SDK1: variants seen among roughly 807,000 people sequenced by gnomAD.
SDK1 encodes the protein sidekick cell adhesion molecule 1.
A neutral mutation model predicts 245.5 loss-of-function variants in SDK1; 157 were observed. The observed-to-expected ratio is 0.64, with a 90% CI of 0.56 to 0.73. The LOEUF is 0.73. Among genes scored for constraint, SDK1 ranks in the 30% least tolerant of loss-of-function variants. The pLI is 0.00. For synonymous variants in SDK1, 1,647 were observed against 1,278.5 expected (o/e 1.29, Z -6.15); for missense variants, 3,583 against 3,002.3 (o/e 1.19, Z -4.52).
At chr7:3,521,401 C>G (rs1782934242) in intron 1 of SDK1, among the ~76,000 whole-genome samples, 1 of 148,128 alleles carries the variant, frequency 6.8e-6, no homozygotes, top group Admixed American at 6.9e-5. Flanking sequence ...GGGGGCCACT[C>G]TGCCTACCAC....
At position 3,516,464 on chromosome 7, in the gene SDK1, T is replaced by A. The variant is rs558019409; in HGVS notation, c.299-102616T>A. 1.2e-3 allele frequency among the ~76,000 whole-genome samples: 184 copies of A among 152,266 alleles called. 3 individuals carry two copies. The highest frequency in any genetic ancestry group is 4.3e-3 in the African/African-American group (178 of 41,576). ...AATTATTGAAAGTATAGGTAATTTT[T>A]AGGTGTTCTACTTAAAGAGCTATTT... On this transcript the variant is annotated intron_variant, in intron 1 of 44. Transcript: ENST00000404826.
chr7:3,790,453 G>C (rs1222488633), intron 4 of SDK1, among the ~76,000 whole-genome samples: 2 of 152,136 alleles, frequency 1.3e-5, no homozygotes, highest in African/African-American at 4.8e-5. Context: ...GGTGGGTTTG[G>C]AGCTGAGAAA....
rs763175020 is a variant in SDK1 at position 3,969,245 on chromosome 7, A to G, written c.1547-12A>G. The G allele has an allele frequency of 6.3e-7, 1 of 1,580,486 alleles. No individual in the cohort carries two copies. The highest frequency in any genetic ancestry group is 1.2e-5 in the South Asian group (1 of 84,902). ...CGACTGTAACATGCCTCTTTTCTCC[A>G]CTGTTCTTTAGAAAACCACATTCTG... On this transcript the variant is annotated splice_polypyrimidine_tract_variant and intron_variant, in intron 10 of 44. Coordinates refer to ENST00000404826, the MANE Select transcript of SDK1 (RefSeq NM_152744.4).
At chr7:4,224,363 C>G (rs1046309145) in intron 40 of SDK1, among the ~76,000 whole-genome samples, 1 of 152,240 alleles carries the variant, frequency 6.6e-6, no homozygotes, top group African/African-American at 2.4e-5. Context: ...AGCCGGCACG[C>G]CACATGGCTG....
At chr7:3,947,530 T>C (rs923574283) in intron 5 of SDK1, among the ~76,000 whole-genome samples, 1 of 140,376 alleles carries the variant, frequency 7.1e-6, no homozygotes, top group East Asian at 2.1e-4. Context: ...AAGTATTTGC[T>C]TGTGTGTGTG....
intron 26 of SDK1, among the ~76,000 whole-genome samples, chr7:4,128,497 T>G (rs190779530): frequency 8.9e-4 from 135 of 152,326 alleles, no homozygotes; most frequent in South Asian, 1.9e-3. Context: ...AGGGAGCAGT[T>G]CAGAGAAGGT....
In SDK1 at chr7:3,442,676, A is replaced by G. The variant is rs112284924; in HGVS notation, c.298+140792A>G. 4.6e-5 allele frequency among the ~76,000 whole-genome samples: 7 copies of G among 152,332 alleles called. 1 individual carries two copies. The highest frequency in any genetic ancestry group is 4.1e-4 in the South Asian group (2 of 4,828). ...GAATATGGAAAATTATTATAGTAAC[A>G]TGGGGAAATTAAAAGTGAGTAATTG... On this transcript the variant is annotated intron_variant, in intron 1 of 44. Transcript: ENST00000404826.
intron 4 of SDK1, among the ~76,000 whole-genome samples, chr7:3,779,100 C>A (rs992335073): frequency 1.3e-5 from 2 of 152,120 alleles, no homozygotes; most frequent in Non-Finnish European, 2.9e-5. Flanking sequence ...GCTAAGAATT[C>A]TGCGGAGTTT....
chr7:3,537,595 A>C (rs541064168), intron 1 of SDK1, among the ~76,000 whole-genome samples: 1 of 152,344 alleles, frequency 6.6e-6, no homozygotes, highest in East Asian at 1.9e-4. Context: ...TTGTTTAAAA[A>C]ATAATCCAGT....
intron 11 of SDK1, among the ~76,000 whole-genome samples, chr7:3,970,920 T>C (rs1187144669): frequency 6.6e-6 from 1 of 152,174 alleles, no homozygotes; most frequent in African/African-American, 2.4e-5. Flanking sequence ...CAGTGACCCA[T>C]CGCACAGGCA....
At chr7:3,774,381 G>T (rs958940347) in intron 4 of SDK1, among the ~76,000 whole-genome samples, 2 of 152,184 alleles carry the variant, frequency 1.3e-5, no homozygotes, top group South Asian at 4.1e-4. Flanking sequence ...AAGAACAGAT[G>T]TCTTGTGTTT....
intron 4 of SDK1, among the ~76,000 whole-genome samples, chr7:3,659,430 A>C (rs1783286529): frequency 6.6e-6 from 1 of 152,168 alleles, no homozygotes; most frequent in African/African-American, 2.4e-5. Context: ...AATTTGAAGA[A>C]AGGGAAGGAG....
intron 1 of SDK1, among the ~76,000 whole-genome samples, chr7:3,583,879 G>T (rs1192472595): frequency 4.6e-5 from 7 of 152,084 alleles, no homozygotes; most frequent in African/African-American, 1.7e-4. Flanking sequence ...GCAGAAGAAA[G>T]CATGGGACTT....
intron 14 of SDK1, among the ~76,000 whole-genome samples, chr7:4,009,863 G>A (rs559506238): frequency 6.6e-6 from 1 of 152,252 alleles, no homozygotes; most frequent in African/African-American, 2.4e-5. Context: ...TAAGGAGCTG[G>A]AGTGCATTTC....
chr7:4,218,884 T>A lies in SDK1; in HGVS notation c.5540-1225T>A, dbSNP rs117002485. ...GAGAAGTCCAGCAGTTGAGAACTTA[T>A]CTAACTGTTTTTTTTTTTAATGCAT... On this transcript the variant is annotated intron_variant, in intron 38 of 44. Transcript: ENST00000404826. 8.5e-3 allele frequency among the ~76,000 whole-genome samples: 1,290 copies of A among 152,104 alleles called. 14 individuals are homozygous for A. The highest frequency in any genetic ancestry group is 0.048 in the Middle Eastern group (14 of 294).
At chr7:4,245,632 G>A (rs577450183) in intron 43 of SDK1, 44 bp from the exon 44 acceptor site, 57 of 1,599,884 alleles carry the variant, frequency 3.6e-5, no homozygotes, top group Middle Eastern at 3.5e-4. Flanking sequence ...GGGGAAGGGC[G>A]TCTTTTGCCC....
chr7:3,622,547 G>A (rs74572540), intron 2 of SDK1, among the ~76,000 whole-genome samples: 5,482 of 152,200 alleles, frequency 0.036, 265 homozygotes, highest in African/African-American at 0.11. Flanking sequence ...ACAAAAAACT[G>A]TTATATATGC....
chr7:3,522,131 C>CT (rs72393888), intron 1 of SDK1, among the ~76,000 whole-genome samples: 40,021 of 151,806 alleles, frequency 0.26, 5,466 homozygotes, highest in East Asian at 0.34. Flanking sequence ...ACCTTACTAT[C>CT]TTTGGTTTTA....
At chr7:3,962,265 C>T (rs1423079664) in intron 8 of SDK1, among the ~76,000 whole-genome samples, 1 of 152,230 alleles carries the variant, frequency 6.6e-6, no homozygotes, top group South Asian at 2.1e-4. Context: ...TGTCCTCTGC[C>T]CCTATGACCC....
Sources: gnomAD v4.1 joint callset for allele counts (sites outside exome capture counted in the v4.1 genomes callset) on GRCh38, gnomAD v4.1.1 for gene constraint, MANE v1.5 for transcripts, NCBI Gene and HGNC (gene_info 2026-07-23, HGNC 2026-07-21) for gene names.